The following THSD7B variants were observed in gnomAD, a reference collection of about 807,000 sequenced individuals.
THSD7B encodes the protein thrombospondin type 1 domain containing 7B, also known as thrombospondin type-1 domain-containing protein 7B.
THSD7B carries 138 observed loss-of-function variants against 213.6 expected under a neutral mutation model. The observed-to-expected ratio is 0.65, with a 90% CI of 0.56 to 0.74. THSD7B has a LOEUF of 0.74. THSD7B is among the 30% of genes least tolerant of loss of function. The pLI is 0.00. For missense variants in THSD7B, 1,931 were observed against 1,991.5 expected (o/e 0.97, Z 0.58); for synonymous variants, 742 against 687.0 (o/e 1.08, Z -1.25).
chr2:137,416,973 T>C (rs374987619), intron 14 of THSD7B, among the ~76,000 whole-genome samples: 5 of 152,218 alleles, frequency 3.3e-5, no homozygotes, highest in Admixed American at 1.3e-4. Flanking sequence ...AATGAAAATA[T>C]AATGTTTTCT....
At chr2:137,416,380 T>A (rs1027157233) in intron 14 of THSD7B, among the ~76,000 whole-genome samples, 1 of 152,342 alleles carries the variant, frequency 6.6e-6, no homozygotes, top group East Asian at 1.9e-4. Flanking sequence ...ATGGGACTCT[T>A]CATCCTCTGG....
intron 12 of THSD7B, among the ~76,000 whole-genome samples, chr2:137,330,466 C>T (rs1684477212): frequency 6.6e-6 from 1 of 152,194 alleles, no homozygotes; most frequent in African/African-American, 2.4e-5. Context: ...GTGAGTGTTA[C>T]AGCTCTTAAG....
intron 2 of THSD7B, among the ~76,000 whole-genome samples, chr2:137,004,358 A>G (rs184215777): frequency 1.3e-4 from 20 of 149,574 alleles, no homozygotes; most frequent in African/African-American, 4.7e-4. Flanking sequence ...AACTTATTCC[A>G]GGAGAACCAT....
intron 1 of THSD7B, among the ~76,000 whole-genome samples, chr2:136,822,098 A>G (rs1021366157): frequency 3.9e-5 from 6 of 152,164 alleles, no homozygotes; most frequent in Non-Finnish European, 7.4e-5. Flanking sequence ...TAACTAGGGC[A>G]TAATTGTACG....
At chr2:136,949,016 T>C (rs1456866254) in intron 2 of THSD7B, among the ~76,000 whole-genome samples, 2 of 152,218 alleles carry the variant, frequency 1.3e-5, no homozygotes, top group African/African-American at 4.8e-5. Context: ...CTCTGTTTCC[T>C]AGGTTGCTTG....
chr2:137,499,430 G>A (rs765549047), intron 15 of THSD7B, among the ~76,000 whole-genome samples: 7 of 152,058 alleles, frequency 4.6e-5, no homozygotes, highest in Admixed American at 3.3e-4. Flanking sequence ...TCATATCAAT[G>A]CTTGCATAAG....
In THSD7B at chr2:137,343,625, C is replaced by T. The variant is rs191959911; in HGVS notation, c.2501-61988C>T. 2.6e-3 allele frequency among the ~76,000 whole-genome samples: 393 copies of T among 151,754 alleles called. 3 individuals are homozygous for T. Among genetic ancestry groups the T allele is most frequent in the Non-Finnish European group, 3.6e-3 (244 of 67,754 alleles). On this transcript the variant is annotated intron_variant, in intron 12 of 27. Coordinates refer to ENST00000409968, the MANE Select transcript of THSD7B (RefSeq NM_001316349.2). ...GTTTAGACTTTGTCCCCAGATACTG[C>T]CACTCAGTCATTTTAACAACCATGG...
chr2:137,063,527 A>G (rs1224304047), intron 3 of THSD7B, among the ~76,000 whole-genome samples: 1 of 152,084 alleles, frequency 6.6e-6, no homozygotes, highest in African/African-American at 2.4e-5. Flanking sequence ...TTTGTGTTAT[A>G]AACAATCCAG....
Position 137,451,016 on chromosome 2 carries a change from A to C in THSD7B, c.3131A>C (p.Lys1044Thr). ...CGACCATGTCCCAAACTGGATCTCA[A>C]GAATCAGGTAAAGTGCATGAAGCAA... ...GGRPCPKLDL[K>T]NQVHEAVPCY... is the part of the protein sequence containing the mutation. Residue 1044 changes from lysine (K) to threonine (T), a missense_variant, in exon 15 of 28, where the codon AAG becomes ACG. Coordinates refer to ENST00000409968, the MANE Select transcript of THSD7B (RefSeq NM_001316349.2). 2.5e-6 allele frequency: 4 copies of C among 1,594,022 alleles called. No individual in the cohort carries two copies. The highest frequency in any genetic ancestry group is 3.4e-6 in the Non-Finnish European group (4 of 1,170,312).
chr2:137,097,963 A>T (rs1173374412), intron 4 of THSD7B, among the ~76,000 whole-genome samples: 1 of 152,202 alleles, frequency 6.6e-6, no homozygotes, highest in African/African-American at 2.4e-5. Context: ...ACATCAGCTA[A>T]CATTCTAATT....
At chr2:137,601,138 G>A (rs575119826) in intron 17 of THSD7B, among the ~76,000 whole-genome samples, 32 of 152,248 alleles carry the variant, frequency 2.1e-4, no homozygotes, top group African/African-American at 7.7e-4. Flanking sequence ...AAATAAAAAA[G>A]TTACAGTAAG....
At chr2:136,882,893 G>A (rs1267512670) in intron 2 of THSD7B, among the ~76,000 whole-genome samples, 2 of 152,072 alleles carry the variant, frequency 1.3e-5, no homozygotes, top group African/African-American at 4.8e-5. Flanking sequence ...TTTGGGGCTG[G>A]AATATAACTT....
chr2:137,670,668 T>C lies in THSD7B; in HGVS notation c.4739+2807T>C, dbSNP rs186335673. Reference sequence around the variant, plus strand: ...CAGGTGCGGTGGCTCATGCCTGTAATCCCAGCACTTTGGGAGGCCAAGGCG... The same window carrying C: ...CAGGTGCGGTGGCTCATGCCTGTAACCCCAGCACTTTGGGAGGCCAAGGCG... On this transcript the variant is annotated intron_variant, in intron 27 of 27. Coordinates refer to ENST00000409968, the MANE Select transcript of THSD7B (RefSeq NM_001316349.2). Among the ~76,000 whole-genome samples the C allele has an allele frequency of 7.8e-3, 1,188 of 152,246 alleles. 14 individuals are homozygous for C. Among genetic ancestry groups the C allele is most frequent in the African/African-American group, 0.027 (1,116 of 41,548 alleles).
At chr2:137,611,792 T>A (rs1251297703) in intron 17 of THSD7B, among the ~76,000 whole-genome samples, 4 of 152,136 alleles carry the variant, frequency 2.6e-5, no homozygotes, top group African/African-American at 9.7e-5. Context: ...GTGTGGAGGG[T>A]GAAATAGCTC....
At chr2:136,937,613 G>A (rs1376429815) in intron 2 of THSD7B, among the ~76,000 whole-genome samples, 1 of 152,108 alleles carries the variant, frequency 6.6e-6, no homozygotes. Context: ...GCCTTGTATA[G>A]AGTTACTATT....
At chr2:137,614,904 A>G (rs778252954) in intron 17 of THSD7B, among the ~76,000 whole-genome samples, 8 of 152,150 alleles carry the variant, frequency 5.3e-5, no homozygotes, top group South Asian at 2.1e-4. Flanking sequence ...GTTCTTTACT[A>G]CTATATCTGA....
chr2:137,408,637 G>A (rs75738047), intron 13 of THSD7B, among the ~76,000 whole-genome samples: 6,135 of 152,276 alleles, frequency 0.04, 200 homozygotes, highest in Non-Finnish European at 0.064. Context: ...TTATTTTACA[G>A]ATCTGTAGTG....
At chr2:137,064,339 T>G (rs1687336521) in intron 3 of THSD7B, among the ~76,000 whole-genome samples, 1 of 152,082 alleles carries the variant, frequency 6.6e-6, no homozygotes, top group South Asian at 2.1e-4. Context: ...CTTTTGCTCA[T>G]TTTTAAATTG....
chr2:137,492,989 T>A (rs965850617), intron 15 of THSD7B, among the ~76,000 whole-genome samples: 1 of 150,416 alleles, frequency 6.6e-6, no homozygotes, highest in African/African-American at 2.4e-5. Context: ...GGCGTGGTGG[T>A]GGGTGCCTAT....
Sources: allele counts gnomAD v4.1 joint callset (sites outside exome capture counted in the v4.1 genomes callset), GRCh38; gene constraint gnomAD v4.1.1; transcripts MANE v1.5; gene names NCBI Gene and HGNC (gene_info 2026-07-23, HGNC 2026-07-21).